Variants in DLG2 observed in about 807,000 individuals in gnomAD.
DLG2 encodes the protein disks large homolog 2.
Under a neutral mutation model 132.5 loss-of-function variants are expected in DLG2, and 45 were observed. The observed-to-expected ratio is 0.34, with a 90% CI of 0.27 to 0.44. DLG2 has a LOEUF of 0.44. Ranked by LOEUF, DLG2 falls within the 20% of genes least tolerant of loss-of-function variation. The pLI is 1.00. For missense variants in DLG2, 1,045 were observed against 1,196.9 expected, an observed-to-expected ratio of 0.87 and a Z score of 1.87; for synonymous variants, 424 against 419.6, an observed-to-expected ratio of 1.01 and a Z score of -0.13.
chr11:84,489,634 G>T (rs1298569826), intron 7 of DLG2, among the ~76,000 whole-genome samples: 1 of 151,980 alleles, frequency 6.6e-6, no homozygotes, highest in Non-Finnish European at 1.5e-5. Context: ...CAAAACGCTG[G>T]CTCCAGGATC....
intron 6 of DLG2, among the ~76,000 whole-genome samples, chr11:84,594,454 A>T (rs1179433731): frequency 6.6e-6 from 1 of 152,242 alleles, no homozygotes; most frequent in Non-Finnish European, 1.5e-5. Context: ...AATGAAACTT[A>T]AATTGGTTTT....
At chr11:85,121,566 T>G (rs1426164453) in intron 5 of DLG2, among the ~76,000 whole-genome samples, 1 of 152,094 alleles carries the variant, frequency 6.6e-6, no homozygotes, top group Non-Finnish European at 1.5e-5. Context: ...CTAAGTATTT[T>G]GTACTTAAAT....
At chr11:85,214,184 G>C (rs983945571) in intron 4 of DLG2, among the ~76,000 whole-genome samples, 8 of 151,976 alleles carry the variant, frequency 5.3e-5, no homozygotes, top group African/African-American at 1.4e-4. Flanking sequence ...CAGTCTCTAC[G>C]GTCTACCCTC....
chr11:85,072,395 A>T (rs1237453101), intron 6 of DLG2, among the ~76,000 whole-genome samples: 1 of 151,896 alleles, frequency 6.6e-6, no homozygotes, highest in Non-Finnish European at 1.5e-5. Context: ...CTGAATCAAG[A>T]GGTCTGGATT....
At chr11:84,143,027 T>C (rs989095078) in intron 9 of DLG2, among the ~76,000 whole-genome samples, 2 of 152,146 alleles carry the variant, frequency 1.3e-5, no homozygotes, top group South Asian at 2.1e-4. Context: ...GAGTAAGATA[T>C]AAACTTGCAA....
chr11:84,811,459 G>C (rs1428251127), intron 6 of DLG2, among the ~76,000 whole-genome samples: 1 of 152,090 alleles, frequency 6.6e-6, no homozygotes, highest in Admixed American at 6.6e-5. Context: ...AGAGTGCCAA[G>C]GAGGGAAAGC....
At chr11:83,833,208 C>T (rs142204735) in intron 17 of DLG2, among the ~76,000 whole-genome samples, 4 of 152,056 alleles carry the variant, frequency 2.6e-5, no homozygotes, top group Non-Finnish European at 4.4e-5. Flanking sequence ...GAGGCTGAGG[C>T]GGGTGGATCA....
chr11:84,865,622 A>C (rs1166764483), intron 6 of DLG2, among the ~76,000 whole-genome samples: 2 of 152,214 alleles, frequency 1.3e-5, no homozygotes, highest in African/African-American at 4.8e-5. Context: ...ACAGTTATTG[A>C]TTTTAAATTA....
At chr11:84,514,407 A>G (rs952222014) in intron 7 of DLG2, among the ~76,000 whole-genome samples, 2 of 152,076 alleles carry the variant, frequency 1.3e-5, no homozygotes, top group African/African-American at 4.8e-5. Flanking sequence ...TTGTTGCAGC[A>G]CTGTTTACAA....
At chr11:85,047,403 T>G (rs1411299085) in intron 6 of DLG2, among the ~76,000 whole-genome samples, 1 of 151,976 alleles carries the variant, frequency 6.6e-6, no homozygotes, top group Non-Finnish European at 1.5e-5. Context: ...CCTTTAAAAA[T>G]TGAAATCCAA....
At chr11:83,641,906 T>C (rs1286395782) in intron 18 of DLG2, among the ~76,000 whole-genome samples, 1 of 151,808 alleles carries the variant, frequency 6.6e-6, no homozygotes, top group African/African-American at 2.4e-5. Context: ...TGTGTTTGTG[T>C]GTGTGTGAGA....
intron 2 of DLG2, among the ~76,000 whole-genome samples, chr11:85,604,182 A>G (rs932599022): frequency 6.6e-6 from 1 of 152,176 alleles, no homozygotes; most frequent in Non-Finnish European, 1.5e-5. Context: ...GACACATAAA[A>G]AATGCTAAAA....
At chr11:83,577,561 T>A (rs2096894444) in intron 19 of DLG2, among the ~76,000 whole-genome samples, 1 of 89,138 alleles carries the variant, frequency 1.1e-5, no homozygotes, top group Non-Finnish European at 2.0e-5. Flanking sequence ...ATTAATAGAA[T>A]ATATATATAT....
At chr11:84,451,725 G>A (rs2099052148) in intron 7 of DLG2, among the ~76,000 whole-genome samples, 1 of 151,686 alleles carries the variant, frequency 6.6e-6, no homozygotes, top group Non-Finnish European at 1.5e-5. Context: ...ACATTGTATT[G>A]CAGAAAAGAG....
At chr11:85,478,076 T>A (rs868332441) in intron 3 of DLG2, among the ~76,000 whole-genome samples, 1 of 152,130 alleles carries the variant, frequency 6.6e-6, no homozygotes, top group African/African-American at 2.4e-5. Flanking sequence ...GATGGGATCA[T>A]AGCTCACTGC....
chr11:83,855,047 G>T (rs1431358956), intron 16 of DLG2, among the ~76,000 whole-genome samples: 1 of 152,052 alleles, frequency 6.6e-6, no homozygotes, highest in Non-Finnish European at 1.5e-5. Context: ...AAGATAAACA[G>T]ATGACAAATA....
At chr11:85,299,422 A>G (rs2152788503) in intron 3 of DLG2, among the ~76,000 whole-genome samples, 1 of 152,258 alleles carries the variant, frequency 6.6e-6, no homozygotes, top group African/African-American at 2.4e-5. Flanking sequence ...CTTGTCACCT[A>G]GGATGTTTTA....
intron 3 of DLG2, among the ~76,000 whole-genome samples, chr11:85,326,387 C>A (rs1255122919): frequency 2.3e-4 from 28 of 124,116 alleles, no homozygotes; most frequent in African/African-American, 8.3e-4. Context: ...GTCGGGTTAC[C>A]CTCAAAGGAA....
At chr11:85,617,874 G>A (rs2081446516) in intron 2 of DLG2, among the ~76,000 whole-genome samples, 1 of 152,116 alleles carries the variant, frequency 6.6e-6, no homozygotes, top group Admixed American at 6.5e-5. Flanking sequence ...GCAAAATGGT[G>A]TTACCAGAAG....
Sources: gnomAD v4.1 joint callset for allele counts (sites outside exome capture counted in the v4.1 genomes callset) on GRCh38, gnomAD v4.1.1 for gene constraint, MANE v1.5 for transcripts, NCBI Gene and HGNC (gene_info 2026-07-23, HGNC 2026-07-21) for gene names.